Variants in GRB10 observed in about 807,000 individuals in gnomAD.
The protein encoded by GRB10 is growth factor receptor bound protein 10.
Under a neutral mutation model 80.9 loss-of-function variants are expected in GRB10, and 20 were observed. The ratio of observed to expected loss-of-function variants is 0.25; its 90% CI spans 0.17 to 0.36. The LOEUF is 0.36. Ranked by LOEUF, GRB10 falls within the 10% of genes least tolerant of loss-of-function variation. GRB10 has a pLI of 1.00. For synonymous variants in GRB10, 291 were observed against 291.5 expected (o/e 1.00, Z 0.02); for missense variants, 548 against 747.7 (o/e 0.73, Z 3.12).
chr7:50,764,599 G>C (rs1252774294), intron 2 of GRB10, among the ~76,000 whole-genome samples: 1 of 152,230 alleles, frequency 6.6e-6, no homozygotes, highest in Admixed American at 6.5e-5. Context: ...GGAGGCAGCT[G>C]TGAAAGTGGC....
chr7:50,606,845 T>G, intron 13 of GRB10: 1 of 236,836 alleles, frequency 4.2e-6, no homozygotes, highest in Admixed American at 5.2e-5. Flanking sequence ...ACACAATGAA[T>G]TATCTGTGTG....
At chr7:50,593,973 CCTTTCTTT>C (rs145010378) in intron 18 of GRB10, among the ~76,000 whole-genome samples, 1 of 151,580 alleles carries the variant, frequency 6.6e-6, no homozygotes, top group African/African-American at 2.4e-5. Context: ...ACGAAAGCCC[CCTTTCTTT>C]CTTTTTTTTT....
chr7:50,727,718 G>A (rs193179208), intron 4 of GRB10: 5 of 100,598 alleles, frequency 5.0e-5, no homozygotes, highest in African/African-American at 8.8e-5. Context: ...CATAAGTATC[G>A]CACAAATCAC....
intron 7 of GRB10, among the ~76,000 whole-genome samples, chr7:50,633,866 A>T (rs1375286027): frequency 6.6e-6 from 1 of 152,178 alleles, no homozygotes; most frequent in African/African-American, 2.4e-5. Context: ...ACAATTTTTT[A>T]AAAAAGAATA....
rs560143790 is a variant in GRB10, at chr7:50,763,462, C to T, written c.-216-7406G>A. On this transcript the variant is annotated intron_variant, in intron 2 of 18. Coordinates refer to ENST00000401949, the MANE Select transcript of GRB10 (RefSeq NM_001350814.2). The stretch of plus-strand genomic sequence containing the variant: ...ATGGGGAGGCCCGCTGGAGTGGGGG[C>T]AGCAGCTTTCAGACTTTAGTCTTAG... Among the ~76,000 whole-genome samples the T allele has an allele frequency of 1.8e-3, 281 of 152,330 alleles. 1 individual carries two copies. Among genetic ancestry groups the T allele is most frequent in the Middle Eastern group, 3.4e-3 (1 of 294 alleles).
intron 5 of GRB10, among the ~76,000 whole-genome samples, chr7:50,692,202 T>C (rs1304850509): frequency 6.6e-6 from 1 of 152,108 alleles, no homozygotes; most frequent in African/African-American, 2.4e-5. Flanking sequence ...TATACGCAAA[T>C]ACTATGCCAT....
Position 50,773,313 on chromosome 7 carries a change from A to C in GRB10, c.-217+7314T>G, listed in dbSNP as rs140377057. ...ACAGCCAAACGATGTAACACCTATTAGGACAGCTATAAGGAAAGAAAGGGG... is the reference window on the plus strand; with the variant it reads ...ACAGCCAAACGATGTAACACCTATTCGGACAGCTATAAGGAAAGAAAGGGG... On this transcript the variant is annotated intron_variant, in intron 2 of 18. Transcript: ENST00000401949. Among the ~76,000 whole-genome samples the C allele has an allele frequency of 3.3e-3, 488 of 149,794 alleles. 1 individual carries two copies. The highest frequency in any genetic ancestry group is 5.3e-3 in the Non-Finnish European group (359 of 67,526).
At chr7:50,645,692 G>GA in intron 7 of GRB10, 1 of 870,740 alleles carries the variant, frequency 1.1e-6, no homozygotes, top group Non-Finnish European at 1.4e-6. Flanking sequence ...CTTGGGGTCT[G>GA]TCCATTTGCT....
At chr7:50,627,814 G>A (rs571708610) in intron 7 of GRB10, among the ~76,000 whole-genome samples, 25 of 152,232 alleles carry the variant, frequency 1.6e-4, no homozygotes, top group South Asian at 2.1e-4. Context: ...TTTAAATTGC[G>A]ACTGCCTCTT....
chr7:50,602,463 A>T (rs1202304447), intron 17 of GRB10, among the ~76,000 whole-genome samples: 3 of 152,208 alleles, frequency 2.0e-5, no homozygotes, highest in African/African-American at 7.2e-5. Context: ...AATGCATCTG[A>T]TCACACCATG....
intron 18 of GRB10, among the ~76,000 whole-genome samples, chr7:50,593,982 CT>C (rs753301760): frequency 1.7e-3 from 234 of 133,802 alleles, no homozygotes; most frequent in Middle Eastern, 7.4e-3. Context: ...CCCTTTCTTT[CT>C]TTTTTTTTTT....
chr7:50,627,097 G>GT (rs2053043303), intron 7 of GRB10, 119 bp from the exon 8 acceptor site: 1 of 1,042,956 alleles, frequency 9.6e-7, no homozygotes, highest in East Asian at 2.4e-5. Context: ...ATGGGCAACT[G>GT]TTTTTCCAGG....
chr7:50,697,901 C>T (rs911460910), intron 5 of GRB10, among the ~76,000 whole-genome samples: 2 of 152,250 alleles, frequency 1.3e-5, no homozygotes, highest in African/African-American at 4.8e-5. Flanking sequence ...TCTGCACAGA[C>T]TCACAGGGCT....
chr7:50,674,030 G>A (rs2060633463), intron 6 of GRB10, among the ~76,000 whole-genome samples: 1 of 152,194 alleles, frequency 6.6e-6, no homozygotes, highest in South Asian at 2.1e-4. Flanking sequence ...GTCTGGGGTT[G>A]CACGACAAGC....
At chr7:50,618,668 G>A (rs1337228727) in intron 9 of GRB10, among the ~76,000 whole-genome samples, 1 of 152,208 alleles carries the variant, frequency 6.6e-6, no homozygotes, top group South Asian at 2.1e-4. Flanking sequence ...GCTAGGAGGT[G>A]CCCTCCCTAT....
chr7:50,706,873 C>T (rs1351544490), intron 4 of GRB10, among the ~76,000 whole-genome samples: 1 of 152,174 alleles, frequency 6.6e-6, no homozygotes, highest in South Asian at 2.1e-4. Context: ...CCAGGCTGAG[C>T]CCTGGGTGAG....
At position 50,695,539 on chromosome 7, in the gene GRB10, T is replaced by A. The variant is rs537074060; in HGVS notation, c.139+8282A>T. On this transcript the variant is annotated intron_variant, in intron 5 of 18. Coordinates refer to ENST00000401949, the MANE Select transcript of GRB10 (RefSeq NM_001350814.2). ...GTCCTCTCTCTGAGCATGATTGATG[T>A]CCACTGGGCTAATGAGGTGTAATGC... Among the ~76,000 whole-genome samples the A allele has an allele frequency of 2.6e-5, 4 of 152,308 alleles. No individual in the cohort carries two copies. In the East Asian group the frequency reaches 7.7e-4, roughly 29 times the overall value.
At chr7:50,614,437 G>T (rs188383837) in intron 12 of GRB10, among the ~76,000 whole-genome samples, 40 of 152,234 alleles carry the variant, frequency 2.6e-4, no homozygotes, top group Non-Finnish European at 5.1e-4. Flanking sequence ...CAGGCTGGGG[G>T]TCCCCTCCCT....
At chr7:50,763,674 G>GAAACAAGAGCTC (rs1450804403) in intron 2 of GRB10, among the ~76,000 whole-genome samples, 2 of 152,210 alleles carry the variant, frequency 1.3e-5, no homozygotes, top group Non-Finnish European at 2.9e-5. Context: ...GCACAAGGCA[G>GAAACAAGAGCTC]AAACAAGAGC....
Sources: allele counts gnomAD v4.1 joint callset (sites outside exome capture counted in the v4.1 genomes callset), GRCh38; gene constraint gnomAD v4.1.1; transcripts MANE v1.5; gene names NCBI Gene and HGNC (gene_info 2026-07-23, HGNC 2026-07-21).